The following PRKAR1A variants were observed in gnomAD, a reference collection of about 807,000 sequenced individuals.
The protein encoded by PRKAR1A is cAMP-dependent protein kinase type I-alpha regulatory subunit.
PRKAR1A carries 3 observed loss-of-function variants against 52.0 expected under a neutral mutation model. The ratio of observed to expected loss-of-function variants is 0.06; its 90% CI spans 0.03 to 0.15. PRKAR1A has a LOEUF of 0.15. PRKAR1A is among the 10% of genes least tolerant of loss of function. The pLI, the probability that PRKAR1A is intolerant of heterozygous loss-of-function variation, is 1.00. For synonymous variants in PRKAR1A, 188 were observed against 168.4 expected (o/e 1.12, Z -0.90); for missense variants, 240 against 477.4 (o/e 0.50, Z 4.63).
chr17:68,498,214 C>G, the PRKAR1A span, among the ~76,000 whole-genome samples: 8 of 152,136 alleles, frequency 5.3e-5, no homozygotes, highest in African/African-American at 1.9e-4. Flanking sequence ...AATGACCTTG[C>G]CTTCGTTTTC....
chr17:68,431,877 TC>T, the PRKAR1A span, among the ~76,000 whole-genome samples: 1 of 95,454 alleles, frequency 1.0e-5, no homozygotes, highest in Non-Finnish European at 2.2e-5. Flanking sequence ...CTGATAATAA[TC>T]CCCAGTGGAG....
At chr17:68,504,449 G>C in the PRKAR1A span, among the ~76,000 whole-genome samples, 5 of 152,152 alleles carry the variant, frequency 3.3e-5, no homozygotes, top group Admixed American at 3.3e-4. Flanking sequence ...CCTGGCGACA[G>C]AGTGAGGTTC....
chr17:68,533,296 T>A lies in PRKAR1A; in HGVS notation c.*2847T>A, dbSNP rs1034894341. On this transcript the variant is annotated 3_prime_UTR_variant, in exon 11 of 11. Coordinates refer to ENST00000589228, the MANE Select transcript of PRKAR1A (RefSeq NM_002734.5). ...TTCACATCCAGTGAAATTGGAGATA[T>A]GTTGTATGTTAGAAGAGCATTCTTT... The A allele has an allele frequency of 9.4e-7, 1 of 1,064,114 alleles. No individual in the cohort carries two copies. The highest frequency in any genetic ancestry group is 5.0e-5 in the East Asian group (1 of 19,932). The allele number at this position is 1,064,114 out of a possible 1,614,324, so 65.9% of individuals were successfully genotyped here. A position where few individuals can be genotyped will look rare whatever the true frequency, so the allele number is the denominator to read the frequency against.
chr17:68,483,412 C>T, the PRKAR1A span, among the ~76,000 whole-genome samples: 1 of 152,062 alleles, frequency 6.6e-6, no homozygotes, highest in African/African-American at 2.4e-5. Flanking sequence ...ACTCGGGAGA[C>T]AGAGTTTGCA....
chr17:68,452,843 G>A, the PRKAR1A span: 3 of 1,459,480 alleles, frequency 2.1e-6, no homozygotes, highest in East Asian at 4.5e-5. Context: ...TAGCACCGCA[G>A]ATTAAAGCCT....
chr17:68,531,223 G>A lies in PRKAR1A; in HGVS notation c.*774G>A, dbSNP rs1004200308. ...ACATCTGCCTCGGCTCACAAATTCC[G>A]ATTAGACCTTTATCCAGCTAGTGCC... On this transcript the variant is annotated 3_prime_UTR_variant, in exon 11 of 11. Transcript: ENST00000589228. 3.8e-6 allele frequency: 4 copies of A among 1,066,180 alleles called. No homozygotes were observed. Among genetic ancestry groups the A allele is most frequent in the Non-Finnish European group, 3.4e-6 (3 of 879,614 alleles). 66.0% of individuals were successfully genotyped at this position (1,066,180 alleles called of 1,614,324 possible). A position where few individuals can be genotyped will look rare whatever the true frequency, so the allele number is the denominator to read the frequency against.
At chr17:68,449,358 G>C in the PRKAR1A span, among the ~76,000 whole-genome samples, 3 of 152,212 alleles carry the variant, frequency 2.0e-5, no homozygotes, top group East Asian at 5.8e-4. Context: ...GGCCAAGCGT[G>C]GTGGCTCATG....
the PRKAR1A span, among the ~76,000 whole-genome samples, chr17:68,461,634 C>G: frequency 6.6e-6 from 1 of 152,182 alleles, no homozygotes; most frequent in South Asian, 2.1e-4. This position sits in a 1 kb window ranked among gnomAD's most constrained non-coding sequence, Gnocchi z 4.6. Flanking sequence ...CTCTTTTCTG[C>G]TATGGGGCAA....
the PRKAR1A span, among the ~76,000 whole-genome samples, chr17:68,441,287 A>G: frequency 6.6e-6 from 1 of 152,242 alleles, no homozygotes; most frequent in African/African-American, 2.4e-5. Flanking sequence ...AAACAGACAG[A>G]AAGAAGGAAA....
rs774704817 is a variant in PRKAR1A at position 68,524,903 on chromosome 17, C to G, written c.503-9C>G. 6.2e-7 allele frequency: 1 copy of G among 1,601,752 alleles called. No individual in the cohort carries two copies. Among genetic ancestry groups the G allele is most frequent in the Non-Finnish European group, 8.6e-7 (1 of 1,169,318 alleles). The stretch of plus-strand genomic sequence containing the variant: ...GGAATATGCTTCTAACTTTTTTACC[C>G]TCTTTTAGGTGATGAAGGGGATAAC... On this transcript the variant is annotated splice_polypyrimidine_tract_variant and intron_variant, in intron 5 of 10. Transcript: ENST00000589228.
At chr17:68,483,137 A>G in the PRKAR1A span, among the ~76,000 whole-genome samples, 3 of 147,798 alleles carry the variant, frequency 2.0e-5, no homozygotes, top group Non-Finnish European at 3.0e-5. Flanking sequence ...TTTTTTGTCT[A>G]TGATGTGCAT....
chr17:68,437,923 G>A, the PRKAR1A span, among the ~76,000 whole-genome samples: 2 of 111,972 alleles, frequency 1.8e-5, no homozygotes, highest in African/African-American at 3.4e-5. Context: ...GAAACTTTGA[G>A]ATCACGCAAG....
chr17:68,446,700 T>C, the PRKAR1A span, among the ~76,000 whole-genome samples: 1 of 152,214 alleles, frequency 6.6e-6, no homozygotes, highest in Non-Finnish European at 1.5e-5. Flanking sequence ...GATATCCTCT[T>C]GTGTCCCCTC....
the PRKAR1A span, among the ~76,000 whole-genome samples, chr17:68,442,969 C>T: frequency 6.6e-6 from 1 of 152,242 alleles, no homozygotes; most frequent in Non-Finnish European, 1.5e-5. Flanking sequence ...TTCAGCCTCT[C>T]ATTTCTAAGG....
the PRKAR1A span, among the ~76,000 whole-genome samples, chr17:68,474,050 A>G: frequency 6.6e-6 from 1 of 151,242 alleles, no homozygotes; most frequent in Non-Finnish European, 1.5e-5. Flanking sequence ...ACTCTTGAAG[A>G]AAAAAATGCA....
chr17:68,450,978 C>T, the PRKAR1A span: 75 of 1,514,262 alleles, frequency 5.0e-5, no homozygotes, highest in East Asian at 4.0e-4. Context: ...CTGGGCCCGG[C>T]GCAGGCCAGG....
Position 68,540,412 on chromosome 17 carries a change from C to T in PRKAR1A, c.973+10411C>T, listed in dbSNP as rs1353752897. 2.0e-5 allele frequency: 9 copies of T among 455,360 alleles called. 1 individual carries two copies. The highest frequency in any genetic ancestry group is 9.5e-5 in the Admixed American group (4 of 41,934). The allele number at this position is 455,360 out of a possible 1,614,324, so 28.2% of individuals were successfully genotyped here. On this transcript the variant is annotated intron_variant, in intron 11 of 11. Coordinates refer to the PRKAR1A transcript ENST00000585981. ...GCTTCCGACCTAAGCTCCTGTATGA[C>T]GGCCACCTTCATAAGTGTCTCGTCT...
chr17:68,497,477 G>C, the PRKAR1A span, among the ~76,000 whole-genome samples: 33 of 152,196 alleles, frequency 2.2e-4, no homozygotes, highest in East Asian at 2.1e-3. Context: ...CACTTGAAAT[G>C]AGGCTAGTAC....
chr17:68,422,753 AAAG>A, the PRKAR1A span: 12 of 151,500 alleles, frequency 7.9e-5, no homozygotes, highest in Admixed American at 1.3e-4. Flanking sequence ...AAAAAAAAAA[AAAG>A]GGAAGGTCAG....
Sources: gnomAD v4.1 joint callset for allele counts (sites outside exome capture counted in the v4.1 genomes callset) on GRCh38, gnomAD v4.1.1 for gene constraint, Gnocchi (gnomAD v3.1) non-coding constraint, MANE v1.5 for transcripts, NCBI Gene and HGNC (gene_info 2026-07-23, HGNC 2026-07-21) for gene names.